HLCS: variants seen among roughly 807,000 people sequenced by gnomAD.
HLCS encodes the protein biotin--protein ligase.
Under a neutral mutation model 75.0 loss-of-function variants are expected in HLCS, and 53 were observed. The ratio of observed to expected loss-of-function variants is 0.71; its 90% CI spans 0.57 to 0.89. The LOEUF is 0.89. HLCS is among the 40% of genes least tolerant of loss of function. The probability of loss-of-function intolerance (pLI) is 0.00; values close to 1 mark genes in which losing one functional copy is unlikely to be tolerated. For synonymous variants in HLCS, 431 were observed against 428.6 expected (o/e 1.01, Z -0.07); for missense variants, 966 against 1,074.0 (o/e 0.90, Z 1.41).
intron 1 of HLCS, among the ~76,000 whole-genome samples, chr21:36,962,618 T>C (rs976661627): frequency 6.6e-6 from 1 of 151,668 alleles, no homozygotes; most frequent in Non-Finnish European, 1.5e-5. Context: ...TGAAACCTTA[T>C]CTCTACAAAA....
chr21:36,974,470 G>A (rs2068883143), intron 1 of HLCS: 1 of 152,296 alleles, frequency 6.6e-6, no homozygotes, highest in African/African-American at 2.4e-5. Context: ...CTGTTCCAGG[G>A]TTAATGGGCT....
chr21:36,781,145 CT>C (rs1191878227), intron 6 of HLCS, among the ~76,000 whole-genome samples: 2 of 151,750 alleles, frequency 1.3e-5, no homozygotes, highest in Non-Finnish European at 1.5e-5. Flanking sequence ...TTGCATACTC[CT>C]TATGAGAATC....
intron 7 of HLCS, among the ~76,000 whole-genome samples, chr21:36,766,418 A>C (rs1431623090): frequency 2.0e-5 from 3 of 152,164 alleles, no homozygotes; most frequent in Non-Finnish European, 2.9e-5. Context: ...CAAAAAACAA[A>C]AAAAAAATCC....
In HLCS at chr21:36,756,556, T is replaced by C; in HGVS notation, c.2436A>G (p.Arg812=). ...CCAGCACTGACCTGTGGACCCAGTA[T>C]CGGTAATAAAGGGGAAGGACGCTGT... The part of the protein sequence containing the change: ...GPNSVLPLYY[R]YWVHSGQQVH... The change falls in exon 10 of 11, where the codon CGA becomes CGG. Residue 812 remains arginine (R), a synonymous_variant. Coordinates refer to ENST00000674895, the MANE Select transcript of HLCS (RefSeq NM_001352514.2). 6.3e-7 allele frequency: 1 copy of C among 1,593,996 alleles called. No individual in the cohort carries two copies. The highest frequency in any genetic ancestry group is 1.1e-5 in the South Asian group (1 of 90,772).
At chr21:36,960,117 G>A (rs1439688041) in intron 2 of HLCS, among the ~76,000 whole-genome samples, 1 of 88,758 alleles carries the variant, frequency 1.1e-5, no homozygotes, top group African/African-American at 4.7e-5. Context: ...CCACAGCCTT[G>A]CATGGAGCCA....
intron 6 of HLCS, among the ~76,000 whole-genome samples, chr21:36,786,319 T>C (rs1218075686): frequency 6.6e-6 from 1 of 151,774 alleles, no homozygotes; most frequent in Non-Finnish European, 1.5e-5. Flanking sequence ...CACAGTACCA[T>C]ACCGCCAAAG....
At chr21:36,792,212 C>A (rs1225827483) in intron 6 of HLCS, among the ~76,000 whole-genome samples, 1 of 152,082 alleles carries the variant, frequency 6.6e-6, no homozygotes, top group Non-Finnish European at 1.5e-5. Flanking sequence ...CGGCGGCTAC[C>A]CCGCAGGCTC....
At chr21:36,880,196 G>A (rs1359790807) in intron 6 of HLCS, among the ~76,000 whole-genome samples, 1 of 152,150 alleles carries the variant, frequency 6.6e-6, no homozygotes, top group Non-Finnish European at 1.5e-5. Context: ...AACAGAAACT[G>A]CCTGTAATCT....
At chr21:36,858,665 G>C (rs1489569041) in intron 6 of HLCS, among the ~76,000 whole-genome samples, 1 of 152,212 alleles carries the variant, frequency 6.6e-6, no homozygotes, top group East Asian at 1.9e-4. Context: ...AAGAATAGTG[G>C]ATGGAGGGTG....
intron 5 of HLCS, among the ~76,000 whole-genome samples, chr21:36,901,423 TAGTTAAAA>T (rs1184954607): frequency 6.6e-6 from 1 of 152,104 alleles, no homozygotes; most frequent in Non-Finnish European, 1.5e-5. Flanking sequence ...AGAGTGACTG[TAGTTAAAA>T]AGAGGATGCA....
chr21:36,930,343 C>T lies in HLCS; in HGVS notation c.1528G>A (p.Val510Ile). ...LKSSNFRRYE[V>I]LREILTTLGL... ...AGGGTTGTCAGAATCTCTCTAAGGA[C>T]TTCGTATCTTCTAAAATTGCTTGAC... The change falls in exon 5 of 11, where the codon GTC (valine) becomes ATC (isoleucine). Residue 510 changes from valine (V) to isoleucine (I), a missense_variant. Val to Ile is a conservative substitution (Grantham distance 29). Coordinates refer to ENST00000674895, the MANE Select transcript of HLCS (RefSeq NM_001352514.2). 1.2e-6 allele frequency: 2 copies of T among 1,614,102 alleles called. No individual in the cohort carries two copies. Among genetic ancestry groups the T allele is most frequent in the South Asian group, 2.2e-5 (2 of 91,082 alleles).
At chr21:36,882,266 A>G (rs1047419476) in intron 6 of HLCS, among the ~76,000 whole-genome samples, 1 of 151,528 alleles carries the variant, frequency 6.6e-6, no homozygotes, top group African/African-American at 2.4e-5. Context: ...TGGGTGACAG[A>G]GCGAGACTTC....
chr21:36,847,946 G>T (rs1485188581), intron 6 of HLCS, among the ~76,000 whole-genome samples: 1 of 152,096 alleles, frequency 6.6e-6, no homozygotes, highest in Non-Finnish European at 1.5e-5. Context: ...CATACAATAG[G>T]TATTGTTTTC....
intron 6 of HLCS, among the ~76,000 whole-genome samples, chr21:36,768,554 GC>G (rs1262232843): frequency 6.6e-6 from 1 of 152,222 alleles, no homozygotes; most frequent in Admixed American, 6.5e-5. Flanking sequence ...GACAGAAGGA[GC>G]CCAGAAGACC....
intron 5 of HLCS, among the ~76,000 whole-genome samples, chr21:36,924,956 A>G (rs899497749): frequency 6.6e-6 from 1 of 152,178 alleles, no homozygotes; most frequent in East Asian, 1.9e-4. Flanking sequence ...ATCATGCTGC[A>G]TACCTTAAAT....
At chr21:36,841,927 G>C (rs1375274723) in intron 6 of HLCS, among the ~76,000 whole-genome samples, 25 of 152,086 alleles carry the variant, frequency 1.6e-4, no homozygotes, top group Admixed American at 1.6e-3. Context: ...TGCTAGGTAG[G>C]ACCCACTAAG....
At chr21:36,891,666 A>G (rs1057129519) in intron 6 of HLCS, among the ~76,000 whole-genome samples, 5 of 152,196 alleles carry the variant, frequency 3.3e-5, no homozygotes, top group African/African-American at 1.2e-4. Flanking sequence ...AGCTCTGAAA[A>G]TTCAAAATGT....
chr21:36,872,569 G>C (rs1236529305), intron 6 of HLCS, among the ~76,000 whole-genome samples: 1 of 152,112 alleles, frequency 6.6e-6, no homozygotes, highest in Non-Finnish European at 1.5e-5. Context: ...GATTAGATGT[G>C]TCTGTTCTTC....
chr21:36,966,820 C>G (rs866276174), upstream of HLCS, among the ~76,000 whole-genome samples: 9 of 87,558 alleles, frequency 1.0e-4, no homozygotes, highest in African/African-American at 1.5e-4. Flanking sequence ...GCGGGAGGGG[C>G]GGGGGGGGGT....
Sources: allele counts gnomAD v4.1 joint callset (sites outside exome capture counted in the v4.1 genomes callset), GRCh38; gene constraint gnomAD v4.1.1; transcripts MANE v1.5; gene names NCBI Gene and HGNC (gene_info 2026-07-23, HGNC 2026-07-21).